Variants in GNB1 observed in about 807,000 individuals in gnomAD.
GNB1 encodes G protein subunit beta 1, also known as guanine nucleotide-binding protein G(I)/G(S)/G(T) subunit beta-1.
GNB1 carries 2 observed loss-of-function variants against 42.9 expected under a neutral mutation model. The observed-to-expected ratio is 0.05, with a 90% confidence interval of 0.02 to 0.15. The LOEUF is 0.15. GNB1 is among the 10% of genes least tolerant of loss of function. The pLI is 1.00. For synonymous variants in GNB1, 183 were observed against 174.7 expected (o/e 1.05, Z -0.38); for missense variants, 193 against 462.2 (o/e 0.42, Z 5.34).
chr1:1,870,766 C>T (rs75970645), intron 1 of GNB1, among the ~76,000 whole-genome samples: 2,765 of 152,114 alleles, frequency 0.018, 33 homozygotes, highest in Non-Finnish European at 0.027. Context: ...GAAACCCCAC[C>T]TCTACTAAAA....
intron 1 of GNB1, among the ~76,000 whole-genome samples, chr1:1,844,755 A>G (rs566414297): frequency 1.3e-5 from 2 of 152,322 alleles, no homozygotes; most frequent in East Asian, 1.9e-4. Context: ...ACTTTCTCAC[A>G]TTCAGGGTGA....
rs1570725678 is a variant in GNB1 at position 1,859,082 on chromosome 1, C to T, written c.-95-19844G>A. ...TGTTGCCCAGGCTGGAATGCAATAG[C>T]GCGATCTCAGCTCACTGCAACCTCC... On this transcript the variant is annotated intron_variant, in intron 1 of 11. Coordinates refer to ENST00000378609, the MANE Select transcript of GNB1 (RefSeq NM_002074.5). Among the ~76,000 whole-genome samples the T allele has an allele frequency of 2.0e-5, 3 of 150,404 alleles. No homozygotes were observed. In the South Asian group the frequency reaches 6.3e-4, roughly 31 times the overall value.
chr1:1,856,705 C>T (rs1326347550), intron 1 of GNB1, among the ~76,000 whole-genome samples: 1 of 152,212 alleles, frequency 6.6e-6, no homozygotes, highest in Non-Finnish European at 1.5e-5. Context: ...GGATTACAGG[C>T]ATGAGCCACT....
chr1:1,797,718 T>C (rs905452912), intron 7 of GNB1, among the ~76,000 whole-genome samples: 8 of 152,228 alleles, frequency 5.3e-5, no homozygotes, highest in African/African-American at 1.9e-4. Flanking sequence ...ATTATAGGCA[T>C]GAGCCACCGC....
At chr1:1,818,787 C>T (rs766647134) in intron 3 of GNB1, among the ~76,000 whole-genome samples, 22 of 151,934 alleles carry the variant, frequency 1.4e-4, no homozygotes, top group African/African-American at 2.2e-4. Flanking sequence ...CACTTGAACC[C>T]GGGAGGCGGA....
intron 2 of GNB1, among the ~76,000 whole-genome samples, chr1:1,833,417 C>T (rs112656998): frequency 3.5e-4 from 53 of 152,310 alleles, no homozygotes; most frequent in African/African-American, 1.2e-3. Context: ...GCTTCCCTTA[C>T]GCACCGCTCC....
intron 5 of GNB1, among the ~76,000 whole-genome samples, chr1:1,811,087 T>TC (rs888151315): frequency 1.8e-3 from 234 of 133,056 alleles, no homozygotes; most frequent in African/African-American, 6.1e-3. Flanking sequence ...ATATATTTTT[T>TC]TTTTTTTTCT....
chr1:1,847,107 G>A (rs1455180978), intron 1 of GNB1, among the ~76,000 whole-genome samples: 1 of 151,826 alleles, frequency 6.6e-6, no homozygotes, highest in Non-Finnish European at 1.5e-5. Context: ...ACACTTATTA[G>A]TAAGGAAGAA....
intron 1 of GNB1, among the ~76,000 whole-genome samples, chr1:1,856,042 G>A (rs1648277990): frequency 6.6e-6 from 1 of 152,182 alleles, no homozygotes; most frequent in Admixed American, 6.5e-5. Flanking sequence ...TTCTTTAAGA[G>A]ATGGCGATCT....
intron 1 of GNB1, among the ~76,000 whole-genome samples, chr1:1,843,757 T>G (rs995870005): frequency 6.6e-6 from 1 of 152,066 alleles, no homozygotes; most frequent in African/African-American, 2.4e-5. Context: ...AATGTAACCC[T>G]AAACCAGTAG....
intron 1 of GNB1, among the ~76,000 whole-genome samples, chr1:1,844,012 G>A (rs1647475115): frequency 6.6e-6 from 1 of 151,970 alleles, no homozygotes; most frequent in Non-Finnish European, 1.5e-5. Flanking sequence ...TGGCTAACTC[G>A]ATGAAACCCC....
At chr1:1,838,768 C>G (rs1647184694) in intron 2 of GNB1, among the ~76,000 whole-genome samples, 1 of 152,034 alleles carries the variant, frequency 6.6e-6, no homozygotes, top group East Asian at 1.9e-4. Context: ...CAACTAAGAT[C>G]TGATTTGAAA....
intron 6 of GNB1, among the ~76,000 whole-genome samples, chr1:1,805,487 T>C (rs1263578279): frequency 1.3e-5 from 2 of 151,936 alleles, no homozygotes; most frequent in Non-Finnish European, 1.5e-5. Context: ...CCCACACGTA[T>C]TGGAAGGAAA....
Position 1,856,427 on chromosome 1 carries a change from ATTTC to A in GNB1, c.-95-17193_-95-17190del, listed in dbSNP as rs897016400. ...GCATAAGCCACTGCACTGGCCCGGAATTTCTTTCTTTCTTTTTTTGAGACAGAGT... is the reference window on the plus strand; with the variant it reads ...GCATAAGCCACTGCACTGGCCCGGAATTTCTTTCTTTTTTTGAGACAGAGT... On this transcript the variant is annotated intron_variant, in intron 1 of 11. Transcript: ENST00000378609. 1.7e-4 allele frequency among the ~76,000 whole-genome samples: 25 copies of A among 151,398 alleles called. 1 individual carries two copies. The highest frequency in any genetic ancestry group is 9.7e-5 in the African/African-American group (4 of 41,206).
chr1:1,834,977 CT>C (rs1365585072), intron 2 of GNB1, among the ~76,000 whole-genome samples: 3 of 152,056 alleles, frequency 2.0e-5, no homozygotes, highest in African/African-American at 7.2e-5. Context: ...CTCCAAGCAC[CT>C]TTTATAAGGG....
At chr1:1,805,356 G>T (rs925866999) in intron 6 of GNB1, among the ~76,000 whole-genome samples, 1 of 150,998 alleles carries the variant, frequency 6.6e-6, no homozygotes, top group African/African-American at 2.4e-5. Flanking sequence ...GCTACTCAAG[G>T]AGGCTGAAGC....
At chr1:1,816,306 C>G (rs1006637300) in intron 4 of GNB1, among the ~76,000 whole-genome samples, 2 of 152,196 alleles carry the variant, frequency 1.3e-5, no homozygotes, top group African/African-American at 4.8e-5. Context: ...ACACCTGCTT[C>G]TGCACGACCA....
At chr1:1,850,297 AT>A (rs967720887) in intron 1 of GNB1, among the ~76,000 whole-genome samples, 2 of 151,572 alleles carry the variant, frequency 1.3e-5, no homozygotes, top group African/African-American at 4.9e-5. Context: ...CACCCTGCTA[AT>A]TTTTTTTATT....
rs1650459122 is a variant in GNB1 at position 1,890,748 on chromosome 1, G to A, written c.-96+72C>T. 5 of 148,556 alleles carry A rather than the reference G, an allele frequency of 3.4e-5. No individual in the cohort carries two copies. The South Asian group carries it at 8.3e-4, about 25-fold the overall frequency. 9.2% of individuals were successfully genotyped at this position (148,556 alleles called of 1,614,324 possible). A position where few individuals can be genotyped will look rare whatever the true frequency, so the allele number is the denominator to read the frequency against. Reference sequence around the variant, plus strand: ...CCGACCGGCGGGTGGGGTGGGGGCGGGGCGGGCGCCCCCAGGGCGGGCGGG... The same window carrying A: ...CCGACCGGCGGGTGGGGTGGGGGCGAGGCGGGCGCCCCCAGGGCGGGCGGG... On this transcript the variant is annotated intron_variant, in intron 1 of 11. Transcript: ENST00000378609.
Sources: gnomAD v4.1 joint callset for allele counts (sites outside exome capture counted in the v4.1 genomes callset) on GRCh38, gnomAD v4.1.1 for gene constraint, MANE v1.5 for transcripts, NCBI Gene and HGNC (gene_info 2026-07-23, HGNC 2026-07-21) for gene names.